LAPTM4B: variants seen among roughly 807,000 people sequenced by gnomAD.
LAPTM4B encodes lysosomal protein transmembrane 4 beta.
In LAPTM4B, 26 loss-of-function variants were observed where a neutral mutation model predicts 28.5. The ratio of observed to expected loss-of-function variants is 0.91; its 90% CI spans 0.67 to 1.27. LAPTM4B has a LOEUF of 1.27. LAPTM4B is among the 50% of genes most tolerant of loss of function. The probability of loss-of-function intolerance (pLI) is 0.00; values close to 1 mark genes in which losing one functional copy is unlikely to be tolerated. For missense variants in LAPTM4B, 288 were observed against 285.8 expected (o/e 1.01, Z -0.06); for synonymous variants, 109 against 106.4 (o/e 1.02, Z -0.15).
Position 97,852,908 on chromosome 8 carries a change from C to T in LAPTM4B, c.*1434C>T, listed in dbSNP as rs1180299441. ...AATAACAATTTCTAGAAATGAAGAA[C>T]AATCCGTGGAGAATAAATTACCATT... On this transcript the variant is annotated 3_prime_UTR_variant, in exon 7 of 7. Transcript: ENST00000521545. The T allele has an allele frequency of 1.9e-5, 8 of 422,568 alleles. No individual in the cohort carries two copies. Among genetic ancestry groups the T allele is most frequent in the Non-Finnish European group, 3.4e-5 (8 of 237,298 alleles). 26.2% of individuals were successfully genotyped at this position (422,568 alleles called of 1,614,324 possible). A position where few individuals can be genotyped will look rare whatever the true frequency, so the allele number is the denominator to read the frequency against.
At chr8:97,780,955 C>CT (rs893982053) in intron 1 of LAPTM4B, among the ~76,000 whole-genome samples, 11 of 150,074 alleles carry the variant, frequency 7.3e-5, no homozygotes, top group Admixed American at 2.0e-4. Context: ...TTGTTTGTCT[C>CT]TTTTTTTTTC....
intron 2 of LAPTM4B, among the ~76,000 whole-genome samples, chr8:97,808,017 C>T (rs928114157): frequency 2.0e-5 from 3 of 150,932 alleles, no homozygotes; most frequent in East Asian, 2.0e-4. Context: ...GATGGGGTTT[C>T]GCCATGTTGC....
chr8:97,810,197 C>T (rs1479238355), intron 2 of LAPTM4B, among the ~76,000 whole-genome samples: 1 of 152,088 alleles, frequency 6.6e-6, no homozygotes, highest in Non-Finnish European at 1.5e-5. Context: ...GCTAGGATTA[C>T]AGGCATGAGC....
intron 1 of LAPTM4B, among the ~76,000 whole-genome samples, chr8:97,791,256 G>A (rs1424711840): frequency 6.6e-6 from 1 of 152,038 alleles, no homozygotes. Flanking sequence ...TCCTGAACTC[G>A]GCTCTGGGCT....
chr8:97,781,958 A>G (rs1816326760), intron 1 of LAPTM4B, among the ~76,000 whole-genome samples: 1 of 148,424 alleles, frequency 6.7e-6, no homozygotes, highest in African/African-American at 2.5e-5. Context: ...TGCACTGAAC[A>G]TTCTTGCACA....
intron 6 of LAPTM4B, among the ~76,000 whole-genome samples, chr8:97,829,222 G>T (rs1817140593): frequency 1.3e-5 from 2 of 152,128 alleles, no homozygotes; most frequent in South Asian, 4.1e-4. Flanking sequence ...AAAGCGCTTG[G>T]TATCTACAAG....
At chr8:97,842,214 T>A (rs60669711) in intron 6 of LAPTM4B, among the ~76,000 whole-genome samples, 25,828 of 135,148 alleles carry the variant, frequency 0.19, 2,307 homozygotes, top group East Asian at 0.23. Context: ...GATTTTCACA[T>A]GTCGCAAAAC....
At chr8:97,803,790 C>T (rs933385082) in intron 1 of LAPTM4B, among the ~76,000 whole-genome samples, 3 of 152,088 alleles carry the variant, frequency 2.0e-5, no homozygotes, top group Admixed American at 6.5e-5. Context: ...GGACTACAGG[C>T]ATGCACCACT....
At chr8:97,819,704 G>T (rs536407465) in intron 5 of LAPTM4B, among the ~76,000 whole-genome samples, 1 of 143,382 alleles carries the variant, frequency 7.0e-6, no homozygotes. Context: ...TTATATTTAT[G>T]CATTTATCTC....
intron 2 of LAPTM4B, among the ~76,000 whole-genome samples, chr8:97,808,351 G>A (rs966683335): frequency 1.3e-5 from 2 of 152,016 alleles, no homozygotes; most frequent in African/African-American, 4.8e-5. Flanking sequence ...GGAGGCTGAG[G>A]CAGGAGAATT....
At chr8:97,825,756 A>G (rs1817082244) in intron 6 of LAPTM4B, among the ~76,000 whole-genome samples, 1 of 152,232 alleles carries the variant, frequency 6.6e-6, no homozygotes, top group Admixed American at 6.5e-5. Flanking sequence ...AATTATCTTG[A>G]AATTTCCTGG....
chr8:97,800,684 C>T (rs1285282828), intron 1 of LAPTM4B, among the ~76,000 whole-genome samples: 7 of 151,596 alleles, frequency 4.6e-5, no homozygotes, highest in South Asian at 4.2e-4. Flanking sequence ...TTAGTGGAGA[C>T]GGGGTTTCTT....
intron 2 of LAPTM4B, among the ~76,000 whole-genome samples, chr8:97,809,076 C>T (rs1053447793): frequency 1.6e-4 from 24 of 151,982 alleles, no homozygotes; most frequent in African/African-American, 5.6e-4. Context: ...CATTATAAAA[C>T]AATTACTATT....
chr8:97,779,738 A>C (rs1467884798), intron 1 of LAPTM4B, among the ~76,000 whole-genome samples: 1 of 150,826 alleles, frequency 6.6e-6, no homozygotes, highest in Non-Finnish European at 1.5e-5. Flanking sequence ...CCTGGGTGAC[A>C]GCAAGACTCT....
chr8:97,816,744 T>A (rs980213268), intron 4 of LAPTM4B, among the ~76,000 whole-genome samples: 1 of 152,182 alleles, frequency 6.6e-6, no homozygotes, highest in African/African-American at 2.4e-5. Flanking sequence ...TTTTTGCCTT[T>A]GCTAGTGTGT....
At chr8:97,813,483 T>C (rs779636569) in intron 2 of LAPTM4B, among the ~76,000 whole-genome samples, 1 of 152,164 alleles carries the variant, frequency 6.6e-6, no homozygotes, top group Non-Finnish European at 1.5e-5. Context: ...CTGACTGAAA[T>C]GTTAATCTCC....
intron 6 of LAPTM4B, among the ~76,000 whole-genome samples, chr8:97,844,932 T>C (rs1817405277): frequency 6.6e-6 from 1 of 152,184 alleles, no homozygotes; most frequent in Non-Finnish European, 1.5e-5. Flanking sequence ...TAACACCATA[T>C]TGCACACACA....
intron 6 of LAPTM4B, among the ~76,000 whole-genome samples, chr8:97,847,385 TTCAGAAATAGGACATGACC>T (rs1335124735): frequency 6.6e-6 from 1 of 152,220 alleles, no homozygotes; most frequent in East Asian, 1.9e-4. Flanking sequence ...AGGAAGTGAC[TTCAGAAATAGGACATGACC>T]TATATTCTTA....
intron 1 of LAPTM4B, among the ~76,000 whole-genome samples, chr8:97,787,847 T>G (rs1366964659): frequency 6.6e-6 from 1 of 152,128 alleles, no homozygotes; most frequent in Non-Finnish European, 1.5e-5. Flanking sequence ...TTTATTTATT[T>G]TTTTAGACAG....
Sources: gnomAD v4.1 joint callset for allele counts (sites outside exome capture counted in the v4.1 genomes callset) on GRCh38, gnomAD v4.1.1 for gene constraint, MANE v1.5 for transcripts, NCBI Gene and HGNC (gene_info 2026-07-23, HGNC 2026-07-21) for gene names.